ZNF584: variants seen among roughly 807,000 people sequenced by gnomAD.
The protein encoded by ZNF584 is zinc finger protein 584.
Under a neutral mutation model 14.7 loss-of-function variants are expected in ZNF584, and 12 were observed. That is an observed-to-expected ratio of 0.82 (90% CI 0.52 to 1.32). ZNF584 has a LOEUF of 1.32. Ranked by LOEUF, ZNF584 falls within the 40% of genes most tolerant of loss-of-function variation. The probability of loss-of-function intolerance (pLI) is 0.00; values close to 1 mark genes in which losing one functional copy is unlikely to be tolerated. For missense variants in ZNF584, 478 were observed against 518.8 expected, an observed-to-expected ratio of 0.92 and a Z score of 0.76; for synonymous variants, 204 against 190.9, an observed-to-expected ratio of 1.07 and a Z score of -0.57.
In ZNF584 at chr19:58,415,613, A is replaced by G. The variant is rs766375645; in HGVS notation, c.259A>G (p.Ser87Gly). The G allele has an allele frequency of 3.1e-6, 5 of 1,614,196 alleles. No individual in the cohort carries two copies. The highest frequency in any genetic ancestry group is 4.2e-6 in the Non-Finnish European group (5 of 1,180,022). Residue 87 changes from serine to glycine, a missense_variant, in exon 3 of 4, where the codon AGC becomes GGC. Physicochemically the swap from Ser to Gly is moderately conservative, Grantham distance 56. Around this residue, in one of 3 missense-constraint regions of ZNF584, gnomAD observed 189 missense variants for 177.9 expected, o/e 1.06. Coordinates refer to ENST00000306910, the MANE Select transcript of ZNF584 (RefSeq NM_173548.3). The stretch of plus-strand genomic sequence containing the variant: ...CAGCTGGGTGGATGTGACTCCAGTC[A>G]GCAGAGCAGAAGCCAGGAGAGGTTT... Reference protein sequence around the residue: ...VPSWVDVTPVSRAEARRGFGL... With the variant: ...VPSWVDVTPVGRAEARRGFGL...
Position 58,408,976 on chromosome 19 carries a change from A to T in ZNF584, c.-172A>T. 1.3e-6 allele frequency: 1 copy of T among 770,900 alleles called. No homozygotes were observed. Among genetic ancestry groups the T allele is most frequent in the Non-Finnish European group, 1.9e-6 (1 of 522,164 alleles). The allele number at this position is 770,900 out of a possible 1,614,324, so 47.8% of individuals were successfully genotyped here. ...CGCCGTGGGTCTCCCGGGCCTCCGT[A>T]CCGTCCTCCTTCCCAGCGGCTCCGG... is the stretch of plus-strand genomic sequence containing the variant. On this transcript the variant is annotated 5_prime_UTR_variant, in exon 1 of 4. Transcript: ENST00000306910.
chr19:58,416,028 T>G lies in ZNF584; in HGVS notation c.292+382T>G, dbSNP rs147688365. On this transcript the variant is annotated intron_variant, in intron 3 of 3. Coordinates refer to ENST00000306910, the MANE Select transcript of ZNF584 (RefSeq NM_173548.3). ...ATTTTGCTGGGACTAGACACATGCC[T>G]CCTCATAGTGCTTGGCTGTCACCAG... The G allele has an allele frequency of 4.7e-6, 7 of 1,483,552 alleles. No individual in the cohort carries two copies. In the African/African-American group the frequency reaches 8.2e-5, roughly 17 times the overall value. 91.9% of individuals were successfully genotyped at this position (1,483,552 alleles called of 1,614,324 possible).
At chr19:58,410,302 C>T (rs550343485) in intron 2 of ZNF584, among the ~76,000 whole-genome samples, 47 of 151,520 alleles carry the variant, frequency 3.1e-4, no homozygotes, top group Admixed American at 3.0e-3. Context: ...GCCTCAACAC[C>T]TCTTGCCCCA....
At chr19:58,409,819 C>A in intron 1 of ZNF584, 122 bp from the exon 2 acceptor site, 2 of 1,202,610 alleles carry the variant, frequency 1.7e-6, no homozygotes, top group South Asian at 1.3e-5. Context: ...GAGTTTAGAG[C>A]TCATAGGGAA....
chr19:58,411,704 C>A (rs1018831723), intron 2 of ZNF584, among the ~76,000 whole-genome samples: 1 of 151,186 alleles, frequency 6.6e-6, no homozygotes, highest in Admixed American at 6.6e-5. Flanking sequence ...AGTGCAGTGG[C>A]GCGATCTCGG....
At position 58,410,727 on chromosome 19, in the gene ZNF584, GTATATATATATA is replaced by G. The variant is rs138175671; in HGVS notation, c.169+638_169+649del. ...TATGTATATATGTGTATATATATATGTATATATATATATGTGTGTATATATATATATATATGT... is the reference window on the plus strand; with the variant it reads ...TATGTATATATGTGTATATATATATGTGTGTGTATATATATATATATATGT... On this transcript the variant is annotated intron_variant, in intron 2 of 3. Transcript: ENST00000306910. 3.0e-4 allele frequency among the ~76,000 whole-genome samples: 11 copies of G among 36,602 alleles called. 2 individuals carry two copies. The highest frequency in any genetic ancestry group is 2.6e-3 in the African/African-American group (10 of 3,834). The allele number at this position is 36,602 out of a possible 152,430, so 24.0% of individuals were successfully genotyped here. A position where few individuals can be genotyped will look rare whatever the true frequency, so the allele number is the denominator to read the frequency against.
At chr19:58,408,147 T>C (rs1477478895), upstream of ZNF584, 5 of 152,240 alleles carry the variant, frequency 3.3e-5, no homozygotes, top group Admixed American at 1.3e-4. Context: ...GCATGTACCA[T>C]GTTTTTGGCT....
Position 58,410,089 on chromosome 19 carries a change from TG to T in ZNF584, c.169+1del. On this transcript the variant is annotated frameshift_variant and splice_region_variant, in exon 2 of 4. Coordinates refer to ENST00000306910, the MANE Select transcript of ZNF584 (RefSeq NM_173548.3). LOFTEE classifies it high-confidence loss of function. Reference sequence around the variant, plus strand: ...GAGAACTTTGCACTCGTTAGCTCACTGGGTAAGTCTCTTACACTGTCCCCCA... The same window carrying T: ...GAGAACTTTGCACTCGTTAGCTCACTGGTAAGTCTCTTACACTGTCCCCCA... ...MLENFALVSSLGLAPSRSPVF... is the reference protein window; with the variant it reads ...MLENFALVSSXGLAPSRSPVF... 1 of 1,608,376 alleles carries T rather than the reference TG, an allele frequency of 6.2e-7. No individual in the cohort carries two copies. The highest frequency in any genetic ancestry group is 8.5e-7 in the Non-Finnish European group (1 of 1,177,142).
At chr19:58,411,510 G>C (rs1040777100) in intron 2 of ZNF584, among the ~76,000 whole-genome samples, 18 of 138,524 alleles carry the variant, frequency 1.3e-4, no homozygotes, top group African/African-American at 4.9e-4. Context: ...TGGGCAACAA[G>C]AGTGAAACTA....
intron 1 of ZNF584, 27 bp from the exon 2 acceptor site, chr19:58,409,914 T>A (rs2052521317): frequency 1.2e-6 from 2 of 1,613,908 alleles, no homozygotes; most frequent in Middle Eastern, 1.6e-4. Flanking sequence ...TTTTGGTTGT[T>A]TTTTTCTGCC....
chr19:58,410,326 CA>C (rs1157794453), intron 2 of ZNF584, among the ~76,000 whole-genome samples: 1 of 151,178 alleles, frequency 6.6e-6, no homozygotes, highest in Non-Finnish European at 1.5e-5. Context: ...GCTAGTGGAG[CA>C]GGTTTTGGGG....
Position 58,416,893 on chromosome 19 carries a change from T to C in ZNF584, c.375T>C (p.His125=), listed in dbSNP as rs2122247059. ...GAGTCATCCAGCACCAGGACACTCATAGTGAGGGGAAACCAAGAAGGCACA... is the reference window on the plus strand; with the variant it reads ...GAGTCATCCAGCACCAGGACACTCACAGTGAGGGGAAACCAAGAAGGCACA... ...SYRVIQHQDT[H]SEGKPRRHTE... is the part of the protein sequence containing the mutation. The change falls in exon 4 of 4, where the codon CAT becomes CAC. Residue 125 remains histidine (H), a synonymous_variant. Transcript: ENST00000306910. 2 of 1,611,358 alleles carry C rather than the reference T, an allele frequency of 1.2e-6. No homozygotes were observed. Among genetic ancestry groups the C allele is most frequent in the East Asian group, 2.2e-5 (1 of 44,882 alleles).
Position 58,408,939 on chromosome 19 carries a change from C to T in ZNF584, c.-209C>T. 1 of 517,990 alleles carries T rather than the reference C, an allele frequency of 1.9e-6. No individual in the cohort carries two copies. Among genetic ancestry groups the T allele is most frequent in the South Asian group, 3.3e-5 (1 of 30,248 alleles). 32.1% of individuals were successfully genotyped at this position (517,990 alleles called of 1,614,324 possible). A position where few individuals can be genotyped will look rare whatever the true frequency, so the allele number is the denominator to read the frequency against. On this transcript the variant is annotated 5_prime_UTR_variant, in exon 1 of 4. Transcript: ENST00000306910. ...GGCTCCATCTTCCTCAGACTTATCG[C>T]TCGCGGACAGGCGCCGTGGGTCTCC...
chr19:58,416,210 A>T, intron 3 of ZNF584: 1 of 344,034 alleles, frequency 2.9e-6, no homozygotes, highest in South Asian at 6.0e-5. Flanking sequence ...GGCTTTCCCA[A>T]CCCAGACCTT....
At chr19:58,416,097 A>G (rs966069493) in intron 3 of ZNF584, 11 of 767,038 alleles carry the variant, frequency 1.4e-5, no homozygotes, top group Non-Finnish European at 2.3e-5. Context: ...AGTGACTTGG[A>G]GACCCCACCT....
rs1290349558 is a variant in ZNF584 at position 58,410,725 on chromosome 19, A to ATG, written c.169+636_169+637dup. On this transcript the variant is annotated intron_variant, in intron 2 of 3. Coordinates refer to ENST00000306910, the MANE Select transcript of ZNF584 (RefSeq NM_173548.3). ...TATATGTATATATGTGTATATATAT[A>ATG]TGTATATATATATATGTGTGTATAT... 3.8e-4 allele frequency among the ~76,000 whole-genome samples: 18 copies of ATG among 47,930 alleles called. 3 individuals carry two copies. In the East Asian group the frequency reaches 6.3e-3, roughly 17 times the overall value. 31.4% of individuals were successfully genotyped at this position (47,930 alleles called of 152,430 possible). A position where few individuals can be genotyped will look rare whatever the true frequency, so the allele number is the denominator to read the frequency against.
intron 1 of ZNF584, among the ~76,000 whole-genome samples, chr19:58,403,539 TG>T (rs1253581068): frequency 6.6e-6 from 1 of 151,910 alleles, no homozygotes; most frequent in African/African-American, 2.4e-5. Flanking sequence ...GAGGGAGGAA[TG>T]AATAGTAGCA....
chr19:58,416,944 T>C lies in ZNF584; in HGVS notation c.426T>C (p.Pro142=), dbSNP rs1735873182. Residue 142 remains proline (P), a synonymous_variant, in exon 4 of 4, where the codon CCT becomes CCC. Coordinates refer to ENST00000306910, the MANE Select transcript of ZNF584 (RefSeq NM_173548.3). The part of the protein sequence containing the change: ...RHTEHGAAFP[P]GSSCGQQQEV... Reference sequence around the variant, plus strand: ...CTGAGCATGGGGCAGCTTTCCCACCTGGTTCCAGTTGTGGGCAACAGCAAG... The same window carrying C: ...CTGAGCATGGGGCAGCTTTCCCACCCGGTTCCAGTTGTGGGCAACAGCAAG... The C allele has an allele frequency of 8.7e-6, 14 of 1,613,038 alleles. No individual in the cohort carries two copies. The highest frequency in any genetic ancestry group is 1.2e-5 in the Non-Finnish European group (14 of 1,179,380).
At chr19:58,414,982 T>C (rs2052622036) in intron 2 of ZNF584, among the ~76,000 whole-genome samples, 1 of 151,994 alleles carries the variant, frequency 6.6e-6, no homozygotes, top group Admixed American at 6.6e-5. Context: ...AAGCTCTGCC[T>C]CCCAGGTTCA....
Sources: allele counts gnomAD v4.1 joint callset (sites outside exome capture counted in the v4.1 genomes callset), GRCh38; gene constraint gnomAD v4.1.1; regional missense constraint gnomAD v4.1.1; transcripts MANE v1.5; gene names NCBI Gene and HGNC (gene_info 2026-07-23, HGNC 2026-07-21).